The following C1QTNF7 variants were observed in gnomAD, a reference collection of about 807,000 sequenced individuals.
The protein encoded by C1QTNF7 is C1q and TNF related 7.
C1QTNF7 carries 15 observed loss-of-function variants against 19.6 expected under a neutral mutation model. The observed-to-expected ratio is 0.76, with a 90% confidence interval of 0.51 to 1.18. C1QTNF7 has a LOEUF of 1.18. Among genes scored for constraint, C1QTNF7 ranks in the 50% most tolerant of loss-of-function variants. The pLI, the probability that C1QTNF7 is intolerant of heterozygous loss-of-function variation, is 0.00. For missense variants in C1QTNF7, 324 were observed against 359.7 expected, an observed-to-expected ratio of 0.90 and a Z score of 0.80; for synonymous variants, 142 against 137.5, an observed-to-expected ratio of 1.03 and a Z score of -0.23.
chr4:15,419,696 G>A (rs923621390), intron 1 of C1QTNF7, among the ~76,000 whole-genome samples: 16 of 151,912 alleles, frequency 1.1e-4, no homozygotes, highest in African/African-American at 3.4e-4. Flanking sequence ...AGTTCCATAG[G>A]ACAAGAATAG....
chr4:15,358,255 C>T (rs1268234789), intron 1 of C1QTNF7: 3 of 152,056 alleles, frequency 2.0e-5, no homozygotes, highest in Admixed American at 2.0e-4. Flanking sequence ...CCATCAATAC[C>T]TCGTTTATTG....
At chr4:15,377,888 G>A (rs1718002444) in intron 1 of C1QTNF7, among the ~76,000 whole-genome samples, 1 of 152,144 alleles carries the variant, frequency 6.6e-6, no homozygotes, top group Non-Finnish European at 1.5e-5. Flanking sequence ...AGAAACAAGA[G>A]TTCCTTTCCT....
Position 15,444,710 on chromosome 4 carries a change from T to A in C1QTNF7, c.*1911T>A, listed in dbSNP as rs1037594880. The A allele has an allele frequency of 1.3e-5, 2 of 152,226 alleles. No homozygotes were observed. Among genetic ancestry groups the A allele is most frequent in the Non-Finnish European group, 2.9e-5 (2 of 68,050 alleles). 9.4% of individuals were successfully genotyped at this position (152,226 alleles called of 1,614,324 possible). ...AGAAGAGGAAATGTTTACTTCCAAA[T>A]TAGGATGTGACAGAGAAGGGATAGG... On this transcript the variant is annotated 3_prime_UTR_variant, in exon 3 of 3. Transcript: ENST00000444304.
intron 1 of C1QTNF7, among the ~76,000 whole-genome samples, chr4:15,408,280 A>G (rs1719271273): frequency 6.7e-6 from 1 of 149,964 alleles, no homozygotes; most frequent in African/African-American, 2.4e-5. Context: ...TGTCTCAAAA[A>G]AAAAAAAAAA....
chr4:15,345,483 T>A (rs1716685487), intron 1 of C1QTNF7, among the ~76,000 whole-genome samples: 1 of 152,180 alleles, frequency 6.6e-6, no homozygotes, highest in South Asian at 2.1e-4. Context: ...CAAGGATGTC[T>A]CATTCCCCTC....
intron 1 of C1QTNF7, among the ~76,000 whole-genome samples, chr4:15,343,155 C>T (rs74643492): frequency 2.6e-5 from 4 of 152,136 alleles, no homozygotes; most frequent in African/African-American, 4.8e-5. Context: ...ATGTGTGCAC[C>T]GACTCCCGTG....
At chr4:15,387,130 C>A (rs1278659085) in intron 1 of C1QTNF7, among the ~76,000 whole-genome samples, 1 of 152,156 alleles carries the variant, frequency 6.6e-6, no homozygotes, top group African/African-American at 2.4e-5. Context: ...TGTTAATGTA[C>A]AATTTGCAGG....
intron 1 of C1QTNF7, among the ~76,000 whole-genome samples, chr4:15,379,218 G>A (rs979328229): frequency 6.6e-6 from 1 of 152,148 alleles, no homozygotes; most frequent in African/African-American, 2.4e-5. Flanking sequence ...AAAAATAAGA[G>A]TAAAGAGGAT....
chr4:15,356,641 A>G (rs1456304948), intron 1 of C1QTNF7, among the ~76,000 whole-genome samples: 1 of 152,192 alleles, frequency 6.6e-6, no homozygotes, highest in Non-Finnish European at 1.5e-5. Flanking sequence ...ATCAAATGGT[A>G]TTTCTGGTTC....
At position 15,432,605 on chromosome 4, in the gene C1QTNF7, G is replaced by A. The variant is rs915238460; in HGVS notation, c.-8-3131G>A. Reference sequence around the variant, plus strand: ...GAGATGGGTTTCACCATATTGGCCAGGCTAATCTTGAACTCTTGACTTCAA... The same window carrying A: ...GAGATGGGTTTCACCATATTGGCCAAGCTAATCTTGAACTCTTGACTTCAA... On this transcript the variant is annotated intron_variant, in intron 1 of 2. Transcript: ENST00000444304. Among the ~76,000 whole-genome samples, 4 of 152,178 alleles carry A rather than the reference G, an allele frequency of 2.6e-5. No individual in the cohort carries two copies. In the East Asian group the frequency reaches 5.8e-4, roughly 22 times the overall value.
intron 1 of C1QTNF7, among the ~76,000 whole-genome samples, chr4:15,368,660 T>C (rs934981577): frequency 2.0e-5 from 3 of 152,250 alleles, no homozygotes; most frequent in Non-Finnish European, 2.9e-5. Flanking sequence ...ATGGTGTATA[T>C]GTGCCACATT....
intron 1 of C1QTNF7, among the ~76,000 whole-genome samples, chr4:15,371,984 G>A (rs1482315872): frequency 6.6e-6 from 1 of 152,168 alleles, no homozygotes; most frequent in Non-Finnish European, 1.5e-5. Flanking sequence ...GGAGGTGGAG[G>A]CAGAATGTGT....
chr4:15,340,253 T>C lies in C1QTNF7; in HGVS notation c.13+46T>C, dbSNP rs1042819188. The C allele has an allele frequency of 1.9e-6, 3 of 1,546,174 alleles. No homozygotes were observed. In the African/African-American group the frequency reaches 4.1e-5, roughly 21 times the overall value. On this transcript the variant is annotated intron_variant, in intron 1 of 2. Transcript: ENST00000295297. ...CAGTTTTTCTCTTTTTCCCTCCTAT[T>C]CGGCCTTCATCAAAATATTTCCTGG...
chr4:15,441,595 C>G (rs1189633703), intron 2 of C1QTNF7, among the ~76,000 whole-genome samples: 1 of 152,114 alleles, frequency 6.6e-6, no homozygotes, highest in Non-Finnish European at 1.5e-5. Flanking sequence ...GGCAAGTGAT[C>G]CATCATCAAA....
intron 1 of C1QTNF7, among the ~76,000 whole-genome samples, chr4:15,360,509 A>G (rs935949825): frequency 2.6e-5 from 4 of 152,172 alleles, no homozygotes; most frequent in African/African-American, 9.7e-5. Context: ...TATCTAACAC[A>G]TGTATTTTCT....
intron 1 of C1QTNF7, among the ~76,000 whole-genome samples, chr4:15,352,250 A>G (rs1716967721): frequency 6.6e-6 from 1 of 152,196 alleles, no homozygotes; most frequent in Admixed American, 6.5e-5. Context: ...CATCCTCACA[A>G]AAATTCTATA....
At chr4:15,388,981 G>C (rs1025514055) in intron 1 of C1QTNF7, among the ~76,000 whole-genome samples, 1 of 152,206 alleles carries the variant, frequency 6.6e-6, no homozygotes, top group African/African-American at 2.4e-5. Flanking sequence ...AGTGAAATGA[G>C]GAATGAAGGG....
At chr4:15,354,916 C>T (rs979751775) in intron 1 of C1QTNF7, among the ~76,000 whole-genome samples, 7 of 152,138 alleles carry the variant, frequency 4.6e-5, no homozygotes, top group African/African-American at 1.4e-4. Context: ...TGCCTCACCC[C>T]ATTCCTGCTC....
rs201831333 is a variant in C1QTNF7, at chr4:15,370,433, AC to A, written c.13+30229del. Among the ~76,000 whole-genome samples, 1,519 of 152,182 alleles carry A rather than the reference AC, an allele frequency of 1.0e-2. 13 individuals carry two copies. The highest frequency in any genetic ancestry group is 0.017 in the Non-Finnish European group (1,175 of 68,016). ...CTCTAATTATTTTGTATCTTTCACA[AC>A]CCTGTGTGTGCCCTCCTTGGCTGGC... On this transcript the variant is annotated intron_variant, in intron 1 of 2. Transcript: ENST00000295297.
Sources: gnomAD v4.1 joint callset for allele counts (sites outside exome capture counted in the v4.1 genomes callset) on GRCh38, gnomAD v4.1.1 for gene constraint, MANE v1.5 for transcripts, NCBI Gene and HGNC (gene_info 2026-07-23, HGNC 2026-07-21) for gene names.